HCN1: variants seen among roughly 807,000 people sequenced by gnomAD.
HCN1 encodes the protein hyperpolarization activated cyclic nucleotide gated potassium channel 1.
In HCN1, 13 loss-of-function variants were observed where a neutral mutation model predicts 78.9. The observed-to-expected ratio is 0.16, with a 90% CI of 0.11 to 0.26. HCN1 has a LOEUF of 0.26. Ranked by LOEUF, HCN1 falls within the 10% of genes least tolerant of loss-of-function variation. The pLI is 1.00. For missense variants in HCN1, 810 were observed against 1,154.3 expected, an observed-to-expected ratio of 0.70 and a Z score of 4.32; for synonymous variants, 552 against 455.5, an observed-to-expected ratio of 1.21 and a Z score of -2.70.
intron 2 of HCN1, among the ~76,000 whole-genome samples, chr5:45,610,958 A>T (rs1204657315): frequency 6.6e-6 from 1 of 152,098 alleles, no homozygotes; most frequent in Non-Finnish European, 1.5e-5. Context: ...ATAATAATAA[A>T]AAACAACTTG....
intron 2 of HCN1, among the ~76,000 whole-genome samples, chr5:45,580,405 G>T (rs1744039306): frequency 6.6e-6 from 1 of 151,886 alleles, no homozygotes. Flanking sequence ...CTAGTACCTG[G>T]AAAAGGCAAT....
chr5:45,316,598 C>A (rs998929491), intron 5 of HCN1, among the ~76,000 whole-genome samples: 1 of 152,058 alleles, frequency 6.6e-6, no homozygotes, highest in Non-Finnish European at 1.5e-5. Flanking sequence ...AAAGGGTATT[C>A]AATTACAAAA....
At chr5:45,370,931 A>G (rs1017674688) in intron 4 of HCN1, among the ~76,000 whole-genome samples, 4 of 152,116 alleles carry the variant, frequency 2.6e-5, no homozygotes, top group Non-Finnish European at 5.9e-5. Flanking sequence ...ATTCTCCATA[A>G]ATATGTATAT....
At chr5:45,670,627 T>C (rs973400049) in intron 1 of HCN1, among the ~76,000 whole-genome samples, 10 of 151,892 alleles carry the variant, frequency 6.6e-5, no homozygotes, top group African/African-American at 2.4e-4. Flanking sequence ...CAATTTACTC[T>C]GCTGTAACAT....
chr5:45,544,466 T>A (rs1340828455), intron 2 of HCN1, among the ~76,000 whole-genome samples: 2 of 152,010 alleles, frequency 1.3e-5, no homozygotes, highest in Non-Finnish European at 1.5e-5. Context: ...TAATTATACT[T>A]TAAGTTCTAG....
chr5:45,471,048 C>T (rs1193284301), intron 2 of HCN1, among the ~76,000 whole-genome samples: 1 of 151,874 alleles, frequency 6.6e-6, no homozygotes, highest in Non-Finnish European at 1.5e-5. Context: ...AACACCTTGT[C>T]TGGATATAGA....
intron 5 of HCN1, among the ~76,000 whole-genome samples, chr5:45,324,398 A>C (rs1431494722): frequency 6.6e-6 from 1 of 151,974 alleles, no homozygotes; most frequent in Non-Finnish European, 1.5e-5. Flanking sequence ...AACACATGAA[A>C]AAATGCTCAT....
At chr5:45,440,890 G>T (rs567884365) in intron 3 of HCN1, among the ~76,000 whole-genome samples, 89 of 152,072 alleles carry the variant, frequency 5.9e-4, no homozygotes, top group Non-Finnish European at 1.1e-3. Context: ...TCTTTCTATG[G>T]TTTACAAGAC....
intron 5 of HCN1, among the ~76,000 whole-genome samples, chr5:45,343,915 A>G (rs1174915029): frequency 1.3e-5 from 2 of 152,132 alleles, no homozygotes; most frequent in African/African-American, 4.8e-5. Context: ...TGTTAACAGC[A>G]TAAAAAGTGG....
chr5:45,424,374 G>C (rs1740296287), intron 3 of HCN1, among the ~76,000 whole-genome samples: 1 of 151,928 alleles, frequency 6.6e-6, no homozygotes, highest in African/African-American at 2.4e-5. Context: ...TAAGAATCGT[G>C]TCAACATATT....
At chr5:45,495,318 C>T (rs1278483759) in intron 2 of HCN1, among the ~76,000 whole-genome samples, 11 of 133,592 alleles carry the variant, frequency 8.2e-5, no homozygotes, top group African/African-American at 2.9e-4. Flanking sequence ...TCCTTCACAT[C>T]CCTTGTAAGT....
At chr5:45,509,941 G>C (rs1742378104) in intron 2 of HCN1, among the ~76,000 whole-genome samples, 1 of 152,026 alleles carries the variant, frequency 6.6e-6, no homozygotes, top group African/African-American at 2.4e-5. Context: ...CCTGCTACCT[G>C]AATAAGTAGA....
chr5:45,668,981 T>C (rs924972639), intron 1 of HCN1, among the ~76,000 whole-genome samples: 1 of 151,840 alleles, frequency 6.6e-6, no homozygotes, highest in Admixed American at 6.6e-5. Context: ...AAGATTAGAA[T>C]GAATGTAGAA....
intron 3 of HCN1, among the ~76,000 whole-genome samples, chr5:45,416,506 A>G (rs978691833): frequency 1.3e-5 from 2 of 152,062 alleles, no homozygotes; most frequent in African/African-American, 4.8e-5. Flanking sequence ...TGAAGAAAAC[A>G]AAAACAGCAC....
intron 5 of HCN1, among the ~76,000 whole-genome samples, chr5:45,342,138 G>T (rs190659723): frequency 3.7e-4 from 56 of 152,082 alleles, no homozygotes; most frequent in Admixed American, 2.6e-3. Flanking sequence ...CTTGATAGAG[G>T]TTATGGAGCT....
chr5:45,358,632 C>T (rs1357382805), intron 4 of HCN1, among the ~76,000 whole-genome samples: 1 of 152,070 alleles, frequency 6.6e-6, no homozygotes, highest in East Asian at 1.9e-4. Context: ...ATCTAATTGT[C>T]ACCCCTAAAG....
chr5:45,529,966 T>A (rs935723685), intron 2 of HCN1, among the ~76,000 whole-genome samples: 5 of 152,134 alleles, frequency 3.3e-5, no homozygotes, highest in African/African-American at 1.2e-4. Flanking sequence ...ATAATAAAGA[T>A]ATGTAACATG....
intron 5 of HCN1, among the ~76,000 whole-genome samples, chr5:45,333,079 T>C (rs963111586): frequency 4.0e-5 from 6 of 151,786 alleles, no homozygotes; most frequent in Non-Finnish European, 7.4e-5. Context: ...TTTTCCATAG[T>C]GGTCGTACTA....
At chr5:45,341,385 C>A (rs1322168176) in intron 5 of HCN1, among the ~76,000 whole-genome samples, 1 of 152,212 alleles carries the variant, frequency 6.6e-6, no homozygotes, top group Non-Finnish European at 1.5e-5. Flanking sequence ...AAACTTTCCA[C>A]TCCATTAGTA....
Sources: gnomAD v4.1 joint callset for allele counts (sites outside exome capture counted in the v4.1 genomes callset) on GRCh38, gnomAD v4.1.1 for gene constraint, MANE v1.5 for transcripts, NCBI Gene and HGNC (gene_info 2026-07-23, HGNC 2026-07-21) for gene names.